The following LRSAM1 variants were observed in gnomAD, a reference collection of about 807,000 sequenced individuals.
The protein encoded by LRSAM1 is E3 ubiquitin-protein ligase LRSAM1.
Under a neutral mutation model 118.1 loss-of-function variants are expected in LRSAM1, and 96 were observed. The observed-to-expected ratio is 0.81, with a 90% CI of 0.69 to 0.96. The LOEUF is 0.96. Ranked by LOEUF, LRSAM1 falls within the 40% of genes least tolerant of loss-of-function variation. The pLI, the probability that LRSAM1 is intolerant of heterozygous loss-of-function variation, is 0.00. For missense variants in LRSAM1, 804 were observed against 915.5 expected, an observed-to-expected ratio of 0.88 and a Z score of 1.57; for synonymous variants, 322 against 364.2, an observed-to-expected ratio of 0.88 and a Z score of 1.32.
chr9:127,456,631 G>A (rs1414693179), intron 5 of LRSAM1, among the ~76,000 whole-genome samples: 1 of 152,100 alleles, frequency 6.6e-6, no homozygotes, highest in Non-Finnish European at 1.5e-5. Flanking sequence ...TCGGGAGGCC[G>A]AGGTGGGCAG....
Position 127,478,624 on chromosome 9 carries a change from A to G in LRSAM1, c.751-310A>G, listed in dbSNP as rs575699800. ...GACATCCATGGGCATCAGATATCCC[A>G]TTTCCTGCTCTGCTCTTCAGACCAC... On this transcript the variant is annotated intron_variant, in intron 11 of 25. Transcript: ENST00000300417. Among the ~76,000 whole-genome samples, 7 of 152,256 alleles carry G rather than the reference A, an allele frequency of 4.6e-5. No homozygotes were observed. In the East Asian group the frequency reaches 1.4e-3, roughly 29 times the overall value.
rs73590852 is a variant in LRSAM1 at position 127,482,523 on chromosome 9, T to G, written c.1089-427T>G. Among the ~76,000 whole-genome samples the G allele has an allele frequency of 3.9e-3, 590 of 152,336 alleles. 1 individual carries two copies. Among genetic ancestry groups the G allele is most frequent in the African/African-American group, 0.013 (561 of 41,584 alleles). On this transcript the variant is annotated intron_variant, in intron 15 of 25. Transcript: ENST00000300417. ...CCTTCCCAAAAACATTCTGCCAGTT[T>G]ACACTCCTCTCAGCAGTGTAGGAAA...
intron 6 of LRSAM1, among the ~76,000 whole-genome samples, chr9:127,458,306 C>T (rs529190351): frequency 2.0e-5 from 3 of 151,478 alleles, no homozygotes; most frequent in East Asian, 1.9e-4. Context: ...GGCGTGAACC[C>T]GGGAAGCGGA....
At position 127,502,789 on chromosome 9, in the gene LRSAM1, C is replaced by A. The variant is rs765956865; in HGVS notation, c.2062C>A (p.Leu688Ile). Residue 688 changes from leucine to isoleucine, a missense_variant, in exon 26 of 26, where the codon CTC (leucine) becomes ATC (isoleucine). By Grantham distance (5) the Leu-to-Ile change is conservative (BLOSUM62 2). Coordinates refer to ENST00000300417, the MANE Select transcript of LRSAM1 (RefSeq NM_001005373.4). Reference protein sequence around the residue: ...CLEREAQMIFLNCGHVCCCQQ... With the variant: ...CLEREAQMIFINCGHVCCCQQ... Reference sequence around the variant, plus strand: ...CCCTCCCCAGGCCCAGATGATCTTCCTCAACTGTGGCCACGTCTGCTGCTG... The same window carrying A: ...CCCTCCCCAGGCCCAGATGATCTTCATCAACTGTGGCCACGTCTGCTGCTG... 76 of 1,612,744 alleles carry A rather than the reference C, an allele frequency of 4.7e-5. No homozygotes were observed. The Admixed American group carries it at 1.3e-3, about 27-fold the overall frequency.
intron 11 of LRSAM1, among the ~76,000 whole-genome samples, chr9:127,474,959 G>T (rs555654344): frequency 6.6e-6 from 1 of 152,244 alleles, no homozygotes; most frequent in African/African-American, 2.4e-5. Flanking sequence ...CGGGCATTTG[G>T]CTTCATATCT....
chr9:127,452,908 C>G (rs1013400901), intron 2 of LRSAM1, among the ~76,000 whole-genome samples: 14 of 152,260 alleles, frequency 9.2e-5, no homozygotes, highest in African/African-American at 3.4e-4. Flanking sequence ...GCAGTGAGCA[C>G]CTGGCTCTGA....
chr9:127,461,363 C>T, intron 8 of LRSAM1, 106 bp downstream of exon 8: 4 of 965,338 alleles, frequency 4.1e-6, no homozygotes, highest in Non-Finnish European at 6.5e-6. Context: ...AGGAGGGCAG[C>T]CAGTCTCCGG....
intron 21 of LRSAM1, among the ~76,000 whole-genome samples, chr9:127,493,229 T>A (rs955568331): frequency 3.3e-5 from 5 of 152,134 alleles, no homozygotes; most frequent in Non-Finnish European, 5.9e-5. Context: ...GCCTGGCAAA[T>A]TTTTTTATTT....
rs1406619842 is a variant in LRSAM1, at chr9:127,502,720, G to A, written c.2047-54G>A. ...AAAAAAAAAAAAAAAAGACGGGCCT[G>A]GGACTCCTGGAACCCGGTAGGGCCA... On this transcript the variant is annotated intron_variant, in intron 25 of 25. Transcript: ENST00000300417. 2.5e-6 allele frequency: 4 copies of A among 1,583,756 alleles called. No homozygotes were observed. The East Asian group carries it at 9.1e-5, about 36-fold the overall frequency.
chr9:127,473,246 A>G (rs779611315), intron 10 of LRSAM1, among the ~76,000 whole-genome samples: 2 of 152,250 alleles, frequency 1.3e-5, no homozygotes, highest in African/African-American at 2.4e-5. Flanking sequence ...CCCCGGAAGG[A>G]CACCATCATC....
chr9:127,470,600 T>G (rs1835130817), intron 10 of LRSAM1, among the ~76,000 whole-genome samples: 1 of 152,070 alleles, frequency 6.6e-6, no homozygotes, highest in Non-Finnish European at 1.5e-5. Flanking sequence ...CAGTCCAACC[T>G]GGAAACAGCT....
rs1188985227 is a variant in LRSAM1, at chr9:127,503,310, T to C, written c.*411T>C. On this transcript the variant is annotated 3_prime_UTR_variant, in exon 26 of 26. Coordinates refer to ENST00000300417, the MANE Select transcript of LRSAM1 (RefSeq NM_001005373.4). ...TGGGAAGGGAGCAGGAGGGCCTGGC[T>C]GGGTGAGGGGAGGCCTTCCTGGGAA... 2 of 274,998 alleles carry C rather than the reference T, an allele frequency of 7.3e-6. No individual in the cohort carries two copies. Among genetic ancestry groups the C allele is most frequent in the Non-Finnish European group, 1.4e-5 (2 of 139,210 alleles). 17.0% of individuals were successfully genotyped at this position (274,998 alleles called of 1,614,324 possible). A position where few individuals can be genotyped will look rare whatever the true frequency, so the allele number is the denominator to read the frequency against.
At position 127,451,625 on chromosome 9, in the gene LRSAM1, G is replaced by C. The variant is rs1834324551; in HGVS notation, c.-233G>C. The C allele has an allele frequency of 2.1e-6, 1 of 485,066 alleles. No homozygotes were observed. The highest frequency in any genetic ancestry group is 1.9e-5 in the African/African-American group (1 of 51,582). 30.0% of individuals were successfully genotyped at this position (485,066 alleles called of 1,614,324 possible). A position where few individuals can be genotyped will look rare whatever the true frequency, so the allele number is the denominator to read the frequency against. On this transcript the variant is annotated 5_prime_UTR_variant, in exon 1 of 26. Transcript: ENST00000300417. ...CGCTCCGGAGAAGTCTGAGAAGGGT[G>C]GCTCCGGTGATCCCAGCCCTAGCTG... is the stretch of plus-strand genomic sequence containing the variant.
At chr9:127,486,005 C>T (rs1835716437) in intron 17 of LRSAM1, among the ~76,000 whole-genome samples, 170 bp downstream of exon 17, 1 of 152,198 alleles carries the variant, frequency 6.6e-6, no homozygotes, top group South Asian at 2.1e-4. Flanking sequence ...CTAGCCGGAT[C>T]CATGATTCAG....
chr9:127,487,820 G>A, intron 18 of LRSAM1, 57 bp downstream of exon 18: 3 of 1,500,270 alleles, frequency 2.0e-6, no homozygotes, highest in Non-Finnish European at 2.8e-6. Flanking sequence ...TCAGGAGCCA[G>A]GGCAGAGTGC....
At chr9:127,474,306 C>T (rs1157880756) in intron 11 of LRSAM1, among the ~76,000 whole-genome samples, 1 of 149,832 alleles carries the variant, frequency 6.7e-6, no homozygotes, top group African/African-American at 2.5e-5. Context: ...CTTGCTCCAT[C>T]ACCCAGGCTG....
At chr9:127,497,460 G>A (rs1588139234) in intron 24 of LRSAM1, 126 bp downstream of exon 24, 2 of 979,082 alleles carry the variant, frequency 2.0e-6, no homozygotes, top group East Asian at 2.7e-5. Flanking sequence ...CTGCTGGTCG[G>A]TAAGGTTTCC....
chr9:127,489,584 C>A, intron 19 of LRSAM1, 66 bp downstream of exon 19: 1 of 1,529,564 alleles, frequency 6.5e-7, no homozygotes, highest in Non-Finnish European at 8.9e-7. Flanking sequence ...CCCTCCAGGG[C>A]GGCAGGTCGC....
At position 127,451,683 on chromosome 9, in the gene LRSAM1, C is replaced by G; in HGVS notation, c.-189+14C>G. 3.4e-6 allele frequency: 1 copy of G among 294,478 alleles called. No homozygotes were observed. Among genetic ancestry groups the G allele is most frequent in the Non-Finnish European group, 6.6e-6 (1 of 152,306 alleles). 18.2% of individuals were successfully genotyped at this position (294,478 alleles called of 1,614,324 possible). A position where few individuals can be genotyped will look rare whatever the true frequency, so the allele number is the denominator to read the frequency against. ...TATTCCTTTATCGTGAGTGTCACCC[C>G]GGTCCCCGTCACCCAATCCCAGAGC... is the stretch of plus-strand genomic sequence containing the variant. On this transcript the variant is annotated intron_variant, in intron 1 of 25. Coordinates refer to ENST00000300417, the MANE Select transcript of LRSAM1 (RefSeq NM_001005373.4).
Sources: gnomAD v4.1 joint callset for allele counts (sites outside exome capture counted in the v4.1 genomes callset) on GRCh38, gnomAD v4.1.1 for gene constraint, MANE v1.5 for transcripts, NCBI Gene and HGNC (gene_info 2026-07-23, HGNC 2026-07-21) for gene names.